METAP1D: variants seen among roughly 807,000 people sequenced by gnomAD.
METAP1D encodes the protein methionyl aminopeptidase type 1D, mitochondrial.
A neutral mutation model predicts 40.5 loss-of-function variants in METAP1D; 31 were observed. The ratio of observed to expected loss-of-function variants is 0.77; its 90% CI spans 0.58 to 1.03. The LOEUF (loss-of-function observed/expected upper bound fraction) is 1.03, where lower values mean the gene tolerates loss of function less well. Ranked by LOEUF, METAP1D falls within the 50% of genes least tolerant of loss-of-function variation. The pLI, the probability that METAP1D is intolerant of heterozygous loss-of-function variation, is 0.00. For synonymous variants in METAP1D, 151 were observed against 146.4 expected (o/e 1.03, Z -0.22); for missense variants, 411 against 420.7 (o/e 0.98, Z 0.20).
chr2:172,022,444 T>C (rs1689029592), intron 1 of METAP1D, among the ~76,000 whole-genome samples: 1 of 152,136 alleles, frequency 6.6e-6, no homozygotes, highest in African/African-American at 2.4e-5. Flanking sequence ...AGGCAGAATT[T>C]GTTTGACATC....
rs558145066 is a variant in METAP1D at position 172,046,804 on chromosome 2, T to C, written c.41-14694T>C. The stretch of plus-strand genomic sequence containing the variant: ...CCGCATAATTTTAAAGATAACTAAT[T>C]TATAGCTGAAACTATTTCAATCAAT... On this transcript the variant is annotated intron_variant, in intron 1 of 9. Transcript: ENST00000315796. 1.1e-4 allele frequency among the ~76,000 whole-genome samples: 16 copies of C among 152,336 alleles called. No individual in the cohort carries two copies. The South Asian group carries it at 2.3e-3, about 22-fold the overall frequency.
chr2:172,041,726 TTATATATATATATATATATA>T lies in METAP1D; in HGVS notation c.41-19750_41-19731del, dbSNP rs67708838. Among the ~76,000 whole-genome samples, 252 of 37,570 alleles carry T rather than the reference TTATATATATATATATATATA, an allele frequency of 6.7e-3. 35 individuals are homozygous for T. Among genetic ancestry groups the T allele is most frequent in the African/African-American group, 0.015 (184 of 12,436 alleles). The allele number at this position is 37,570 out of a possible 152,430, so 24.6% of individuals were successfully genotyped here. A position where few individuals can be genotyped will look rare whatever the true frequency, so the allele number is the denominator to read the frequency against. On this transcript the variant is annotated intron_variant, in intron 1 of 9. Coordinates refer to ENST00000315796, the MANE Select transcript of METAP1D (RefSeq NM_199227.3). ...TTTTAATTTCCTTACTCTAATTATT[TTATATATATATATATATATA>T]TATATATATATATATATATATTTCA... is the stretch of plus-strand genomic sequence containing the variant.
chr2:172,052,866 G>T (rs1689915107), intron 1 of METAP1D, among the ~76,000 whole-genome samples: 1 of 152,142 alleles, frequency 6.6e-6, no homozygotes, highest in Non-Finnish European at 1.5e-5. Flanking sequence ...TTGTCCTTTA[G>T]CTTTGCCCAA....
At chr2:172,065,784 T>C in intron 4 of METAP1D, 32 bp downstream of exon 4, 1 of 1,600,482 alleles carries the variant, frequency 6.2e-7, no homozygotes, top group Non-Finnish European at 8.5e-7. Context: ...ATTGTTCCTT[T>C]GGAAACTAAA....
chr2:172,079,921 C>T (rs1057206254), intron 8 of METAP1D, among the ~76,000 whole-genome samples: 2 of 152,166 alleles, frequency 1.3e-5, no homozygotes, highest in Non-Finnish European at 2.9e-5. Flanking sequence ...TTTTGAATGG[C>T]GCAGTGTTTC....
At position 172,009,231 on chromosome 2, in the gene METAP1D, G is replaced by A. The variant is rs369003774; in HGVS notation, c.40+9222G>A. Among the ~76,000 whole-genome samples, 122 of 152,120 alleles carry A rather than the reference G, an allele frequency of 8.0e-4. 4 individuals carry two copies. The South Asian group carries it at 0.024, about 30-fold the overall frequency. ...AATTTTTTTTGTATTTTTTAGTAGC[G>A]ACGGGGTTTCACCGTGTTAGCCAGG... On this transcript the variant is annotated intron_variant, in intron 1 of 9. Transcript: ENST00000315796.
In METAP1D at chr2:172,056,485, A is replaced by G. The variant is rs142726438; in HGVS notation, c.41-5013A>G. Among the ~76,000 whole-genome samples, 116 of 152,266 alleles carry G rather than the reference A, an allele frequency of 7.6e-4. 1 individual carries two copies. The East Asian group carries it at 0.018, about 24-fold the overall frequency. On this transcript the variant is annotated intron_variant, in intron 1 of 9. Transcript: ENST00000315796. ...CTGATGTAATCAAATGCATTTGTTG[A>G]TTTGCCTATGTCTGCCTCCCACTAC...
intron 1 of METAP1D, among the ~76,000 whole-genome samples, chr2:172,043,013 G>GTACACATATATGTGTACA: frequency 8.2e-6 from 1 of 122,084 alleles, no homozygotes; most frequent in Admixed American, 8.1e-5. Flanking sequence ...ATATGTGTAT[G>GTACACATATATGTGTACA]TGTACACATA....
chr2:172,059,253 C>T (rs916819084), intron 1 of METAP1D, among the ~76,000 whole-genome samples: 2 of 151,958 alleles, frequency 1.3e-5, no homozygotes, highest in African/African-American at 2.4e-5. Flanking sequence ...GGATTACAGG[C>T]GCGCGCCACC....
chr2:172,022,104 A>G (rs1331637480), intron 1 of METAP1D, among the ~76,000 whole-genome samples: 1 of 152,136 alleles, frequency 6.6e-6, no homozygotes, highest in Non-Finnish European at 1.5e-5. Flanking sequence ...ATATTTCATC[A>G]AATTTAGACA....
chr2:172,049,685 G>T (rs921927268), intron 1 of METAP1D, among the ~76,000 whole-genome samples: 3 of 152,136 alleles, frequency 2.0e-5, no homozygotes, highest in African/African-American at 7.2e-5. Context: ...TTACTAAAGA[G>T]GTTACTGTAT....
intron 1 of METAP1D, among the ~76,000 whole-genome samples, chr2:172,025,519 G>T (rs1299320280): frequency 6.6e-6 from 1 of 151,892 alleles, no homozygotes; most frequent in African/African-American, 2.4e-5. Flanking sequence ...TTGTAGAGAT[G>T]GGGTATCGCC....
At chr2:172,060,904 TA>T (rs1249058366) in intron 1 of METAP1D, among the ~76,000 whole-genome samples, 1 of 152,242 alleles carries the variant, frequency 6.6e-6, no homozygotes, top group East Asian at 1.9e-4. Context: ...TAGACATTTC[TA>T]AATTCCTGTT....
intron 6 of METAP1D, 106 bp downstream of exon 6, chr2:172,071,176 T>G: frequency 1.0e-6 from 1 of 981,032 alleles, no homozygotes; most frequent in Non-Finnish European, 1.4e-6. Flanking sequence ...GAACCATCAT[T>G]TCAGTCTGAT....
chr2:172,005,522 A>T lies in METAP1D; in HGVS notation c.40+5513A>T, dbSNP rs867631874. On this transcript the variant is annotated intron_variant, in intron 1 of 9. Transcript: ENST00000315796. ...TAGTATTCCATGGTGTCTGTATTTT[A>T]TATATATATATATATATATATATCT... Among the ~76,000 whole-genome samples, 533 of 95,336 alleles carry T rather than the reference A, an allele frequency of 5.6e-3. 4 individuals are homozygous for T. Among genetic ancestry groups the T allele is most frequent in the African/African-American group, 0.019 (504 of 26,936 alleles). The allele number at this position is 95,336 out of a possible 152,430, so 62.5% of individuals were successfully genotyped here.
At chr2:172,012,052 C>G (rs905377085) in intron 1 of METAP1D, among the ~76,000 whole-genome samples, 2 of 152,176 alleles carry the variant, frequency 1.3e-5, no homozygotes, top group Non-Finnish European at 2.9e-5. Context: ...TATATTATCA[C>G]AACCTTGTTT....
chr2:172,004,275 G>A (rs1488546035), intron 1 of METAP1D, among the ~76,000 whole-genome samples: 1 of 151,788 alleles, frequency 6.6e-6, no homozygotes, highest in East Asian at 1.9e-4. Context: ...TTGCTATCTT[G>A]TATAGCTTCT....
At chr2:172,022,285 G>C (rs1471794284) in intron 1 of METAP1D, among the ~76,000 whole-genome samples, 1 of 152,170 alleles carries the variant, frequency 6.6e-6, no homozygotes, top group African/African-American at 2.4e-5. Context: ...CATTTGCTCT[G>C]TGGTTTTCTT....
chr2:172,017,259 C>T (rs1482659062), intron 1 of METAP1D, among the ~76,000 whole-genome samples: 4 of 150,502 alleles, frequency 2.7e-5, no homozygotes, highest in African/African-American at 9.8e-5. Context: ...CACACACACA[C>T]ACACACACAC....
Sources: gnomAD v4.1 joint callset for allele counts (sites outside exome capture counted in the v4.1 genomes callset) on GRCh38, gnomAD v4.1.1 for gene constraint, MANE v1.5 for transcripts, NCBI Gene and HGNC (gene_info 2026-07-23, HGNC 2026-07-21) for gene names.